METTL15: variants seen among roughly 807,000 people sequenced by gnomAD.
The protein encoded by METTL15 is methyltransferase 15, mitochondrial 12S rRNA N4-cytidine.
Under a neutral mutation model 38.3 loss-of-function variants are expected in METTL15, and 34 were observed. The observed-to-expected ratio is 0.89, with a 90% CI of 0.68 to 1.18. METTL15 has a LOEUF of 1.18. Among genes scored for constraint, METTL15 ranks in the 50% most tolerant of loss-of-function variants. The probability of loss-of-function intolerance (pLI) is 0.00; values close to 1 mark genes in which losing one functional copy is unlikely to be tolerated. For synonymous variants in METTL15, 162 were observed against 170.9 expected, an observed-to-expected ratio of 0.95 and a Z score of 0.41; for missense variants, 438 against 498.4, an observed-to-expected ratio of 0.88 and a Z score of 1.15.
chr11:28,482,231 A>G (rs1031701631), intron 6 of METTL15, among the ~76,000 whole-genome samples: 1 of 152,208 alleles, frequency 6.6e-6, no homozygotes, highest in Non-Finnish European at 1.5e-5. Context: ...TTTCCTGCAT[A>G]CTGGATAGGA....
chr11:28,115,823 T>C (rs1175405931), intron 3 of METTL15, among the ~76,000 whole-genome samples: 5 of 151,968 alleles, frequency 3.3e-5, no homozygotes, highest in Non-Finnish European at 7.4e-5. Flanking sequence ...TTCAAACCTG[T>C]GTTGTTCAAG....
intron 3 of METTL15, among the ~76,000 whole-genome samples, chr11:28,185,316 A>G (rs1236484064): frequency 6.6e-6 from 1 of 151,394 alleles, no homozygotes; most frequent in Non-Finnish European, 1.5e-5. Context: ...ACAATATTTA[A>G]TTTTTCATTA....
chr11:28,368,233 A>T (rs1028352196), intron 5 of METTL15, among the ~76,000 whole-genome samples: 1 of 152,030 alleles, frequency 6.6e-6, no homozygotes, highest in Non-Finnish European at 1.5e-5. Context: ...AATGGGAGAA[A>T]AGTTTTGCAA....
At chr11:28,396,308 A>C (rs371246779) in intron 5 of METTL15, among the ~76,000 whole-genome samples, 43 of 152,080 alleles carry the variant, frequency 2.8e-4, no homozygotes, top group Non-Finnish European at 4.3e-4. Flanking sequence ...CAAATTGTCC[A>C]TGTTTGCAGA....
intron 4 of METTL15, among the ~76,000 whole-genome samples, chr11:28,228,919 T>C (rs189288741): frequency 6.6e-6 from 1 of 152,074 alleles, no homozygotes; most frequent in East Asian, 1.9e-4. Flanking sequence ...ATTTCAAATG[T>C]CCATCCCCAC....
At chr11:28,277,702 G>A (rs564077007) in intron 4 of METTL15, among the ~76,000 whole-genome samples, 20 of 151,414 alleles carry the variant, frequency 1.3e-4, no homozygotes, top group Non-Finnish European at 2.2e-4. Flanking sequence ...AAAACAAAAA[G>A]CAAAAAAAAC....
chr11:28,263,556 AATCAT>A (rs1855294255), intron 4 of METTL15, among the ~76,000 whole-genome samples: 1 of 152,096 alleles, frequency 6.6e-6, no homozygotes, highest in Non-Finnish European at 1.5e-5. Flanking sequence ...TTATATAATT[AATCAT>A]TCTCTATTGT....
At chr11:28,420,975 A>C (rs923592766) in intron 5 of METTL15, among the ~76,000 whole-genome samples, 1 of 152,100 alleles carries the variant, frequency 6.6e-6, no homozygotes, top group Non-Finnish European at 1.5e-5. Context: ...AGATTAGCTA[A>C]GAAACAAAGA....
At chr11:28,131,501 A>ATTTT (rs370387962) in intron 3 of METTL15, among the ~76,000 whole-genome samples, 8 of 117,540 alleles carry the variant, frequency 6.8e-5, no homozygotes, top group African/African-American at 1.6e-4. Flanking sequence ...ACTTCCAAGC[A>ATTTT]TTTTTTTTTT....
At chr11:28,202,377 T>C (rs1005405014) in intron 3 of METTL15, among the ~76,000 whole-genome samples, 1 of 152,152 alleles carries the variant, frequency 6.6e-6, no homozygotes. Context: ...ATCTTGCCAC[T>C]GACTGGAATA....
chr11:28,438,234 A>G (rs1851000381), intron 6 of METTL15, among the ~76,000 whole-genome samples: 1 of 152,202 alleles, frequency 6.6e-6, no homozygotes, highest in African/African-American at 2.4e-5. Flanking sequence ...GGCAGTGAGA[A>G]AGAGAAATTG....
chr11:28,407,474 A>C (rs917652274), intron 5 of METTL15, among the ~76,000 whole-genome samples: 12 of 152,178 alleles, frequency 7.9e-5, no homozygotes, highest in African/African-American at 2.9e-4. Flanking sequence ...AAGAAAAAAA[A>C]CAACCCCTTT....
At chr11:28,194,122 A>ATCTTTCTTTCTCTCTT in intron 3 of METTL15, among the ~76,000 whole-genome samples, 1 of 99,168 alleles carries the variant, frequency 1.0e-5, no homozygotes, top group South Asian at 3.8e-4. Flanking sequence ...TTGATGGTTG[A>ATCTTTCTTTCTCTCTT]TCTTTCTTTC....
chr11:28,302,502 G>GA (rs1197138969), intron 6 of METTL15, among the ~76,000 whole-genome samples: 19 of 152,080 alleles, frequency 1.2e-4, no homozygotes, highest in African/African-American at 4.3e-4. Context: ...CTGTTCTCAT[G>GA]ATAATGAATG....
At position 28,262,710 on chromosome 11, in the gene METTL15, T is replaced by C. The variant is rs1432333327; in HGVS notation, c.408-27496T>C. ...TCATTAGGCAAGTATTTTTATATGA[T>C]ATGCCATCTTTCCTGAGCCAAAACA... On this transcript the variant is annotated intron_variant, in intron 4 of 6. Transcript: ENST00000407364. 2.0e-5 allele frequency among the ~76,000 whole-genome samples: 3 copies of C among 152,162 alleles called. No individual in the cohort carries two copies. In the East Asian group the frequency reaches 5.8e-4, roughly 29 times the overall value.
intron 3 of METTL15, among the ~76,000 whole-genome samples, chr11:28,131,501 A>AT (rs370387962): frequency 0.58 from 68,004 of 117,692 alleles, 20,661 homozygotes; most frequent in Admixed American, 0.7. Context: ...ACTTCCAAGC[A>AT]TTTTTTTTTT....
intron 3 of METTL15, among the ~76,000 whole-genome samples, chr11:28,343,250 C>T (rs535678946): frequency 6.6e-6 from 1 of 151,470 alleles, no homozygotes; most frequent in African/African-American, 2.4e-5. Flanking sequence ...AACATTGAAC[C>T]TATCTAGTTA....
chr11:28,413,653 G>A (rs1269177340), intron 5 of METTL15, among the ~76,000 whole-genome samples: 1 of 152,100 alleles, frequency 6.6e-6, no homozygotes, highest in Middle Eastern at 3.2e-3. Context: ...ATGGATTGAA[G>A]GAATAGGAGG....
At chr11:28,362,929 T>G (rs1487102038) in intron 5 of METTL15, among the ~76,000 whole-genome samples, 1 of 152,198 alleles carries the variant, frequency 6.6e-6, no homozygotes, top group Non-Finnish European at 1.5e-5. Context: ...TGAGAGATTT[T>G]CAAACTGTTT....
Sources: allele counts gnomAD v4.1 joint callset (sites outside exome capture counted in the v4.1 genomes callset), GRCh38; gene constraint gnomAD v4.1.1; transcripts MANE v1.5; gene names NCBI Gene and HGNC (gene_info 2026-07-23, HGNC 2026-07-21).